TTLL13: variants seen among roughly 807,000 people sequenced by gnomAD.
The protein encoded by TTLL13 is tubulin polyglutamylase TTLL13.
the TTLL13 span, chr15:90,257,972 C>T: frequency 2.0e-6 from 3 of 1,471,936 alleles, no homozygotes; most frequent in Non-Finnish European, 2.8e-6. Flanking sequence ...TGTGAGGGAG[C>T]CTCCTGCCTA....
the TTLL13 span, chr15:90,256,106 C>T: frequency 6.2e-7 from 1 of 1,608,274 alleles, no homozygotes; most frequent in Non-Finnish European, 8.5e-7. Flanking sequence ...CCTTGATGCA[C>T]AGAAACCTTT....
the TTLL13 span, chr15:90,262,838 G>A: frequency 2.4e-6 from 3 of 1,267,076 alleles, no homozygotes; most frequent in Non-Finnish European, 3.2e-6. Context: ...AGAATGGACA[G>A]CAAAAGGAAC....
chr15:90,253,489 A>G, the TTLL13 span: 48 of 567,088 alleles, frequency 8.5e-5, no homozygotes, highest in Admixed American at 3.5e-4. Context: ...CAGACAAGAA[A>G]GACCACCCCC....
chr15:90,254,452 C>G, the TTLL13 span, among the ~76,000 whole-genome samples: 3,202 of 144,076 alleles, frequency 0.022, 119 homozygotes, highest in African/African-American at 0.077. Flanking sequence ...AAGATTGTGT[C>G]ATTGCACTCC....
At chr15:90,263,495 G>A in the TTLL13 span, 1 of 509,386 alleles carries the variant, frequency 2.0e-6, no homozygotes, top group African/African-American at 1.9e-5. Flanking sequence ...CCCTAGCACT[G>A]CCAGTGCCCC....
the TTLL13 span, chr15:90,262,611 C>A: frequency 6.5e-7 from 1 of 1,532,410 alleles, no homozygotes; most frequent in Non-Finnish European, 8.7e-7. Context: ...CGACCCAGGG[C>A]AGGGCTCCAG....
chr15:90,262,261 C>T, the TTLL13 span: 1 of 1,412,436 alleles, frequency 7.1e-7, no homozygotes, highest in South Asian at 1.5e-5. Context: ...TGCTTCCCAG[C>T]AGGGAAAGAG....
the TTLL13 span, chr15:90,258,681 C>T: frequency 7.0e-7 from 1 of 1,420,612 alleles, no homozygotes; most frequent in Non-Finnish European, 9.9e-7. Flanking sequence ...TTAATGCCTG[C>T]AAGAGGCCAC....
chr15:90,253,782 G>A, the TTLL13 span, among the ~76,000 whole-genome samples: 2 of 152,296 alleles, frequency 1.3e-5, no homozygotes, highest in African/African-American at 2.4e-5. Context: ...CTGCCTGGTG[G>A]CAAGAAATTC....
At chr15:90,251,030 C>G in the TTLL13 span, 1 of 1,145,630 alleles carries the variant, frequency 8.7e-7, no homozygotes, top group Non-Finnish European at 1.2e-6. Context: ...GTCATTAACC[C>G]TTTGATACAA....
chr15:90,263,946 G>T, the TTLL13 span: 2 of 1,533,216 alleles, frequency 1.3e-6, no homozygotes, highest in East Asian at 2.4e-5. Context: ...ACCATCTGCA[G>T]CCCAAGAACT....
the TTLL13 span, chr15:90,262,096 TG>T: frequency 2.0e-6 from 3 of 1,536,124 alleles, no homozygotes; most frequent in Non-Finnish European, 2.6e-6. Context: ...GGATCTACCC[TG>T]GGCCTGACAC....
chr15:90,260,209 T>C, the TTLL13 span, among the ~76,000 whole-genome samples: 5 of 152,120 alleles, frequency 3.3e-5, no homozygotes, highest in African/African-American at 1.2e-4. Context: ...TTTAAAAATA[T>C]TGTTGTGGCC....
At chr15:90,251,542 C>A in the TTLL13 span, 2 of 1,613,550 alleles carry the variant, frequency 1.2e-6, no homozygotes, top group Middle Eastern at 3.3e-4. Flanking sequence ...TTATGCTATT[C>A]CTCCATTCCA....
the TTLL13 span, among the ~76,000 whole-genome samples, chr15:90,256,577 CTTTCTTTCTTTCTTTCTTTCTTTCT>C: frequency 0.012 from 668 of 56,860 alleles, 22 homozygotes; most frequent in East Asian, 0.045. Context: ...TTCTTTCTTT[CTTTCTTTCTTTCTTTCTTTCTTTCT>C]TTCTTTCCTT....
chr15:90,257,109 T>C, the TTLL13 span: 1 of 1,601,904 alleles, frequency 6.2e-7, no homozygotes, highest in South Asian at 1.1e-5. Flanking sequence ...AAAGTGTTAT[T>C]ATTCCCTCAT....
chr15:90,250,974 C>A, the TTLL13 span: 2 of 1,505,606 alleles, frequency 1.3e-6, no homozygotes, highest in Non-Finnish European at 1.8e-6. Context: ...GCTGGGATCT[C>A]AGATCTTCCC....
At chr15:90,255,831 A>G in the TTLL13 span, 20 of 1,614,106 alleles carry the variant, frequency 1.2e-5, no homozygotes, top group Non-Finnish European at 1.7e-5. Flanking sequence ...CGCATGTACA[A>G]ACTCTATCCC....
chr15:90,254,237 G>A, the TTLL13 span, among the ~76,000 whole-genome samples: 1 of 148,288 alleles, frequency 6.7e-6, no homozygotes, highest in East Asian at 2.0e-4. Flanking sequence ...GCTCACGCCT[G>A]TAATCCCAAC....
Sources: gnomAD v4.1 joint callset for allele counts (sites outside exome capture counted in the v4.1 genomes callset) on GRCh38, gnomAD v4.1.1 for gene constraint, MANE v1.5 for transcripts, NCBI Gene and HGNC (gene_info 2026-07-23, HGNC 2026-07-21) for gene names.